Variants in ASXL3 observed in about 807,000 individuals in gnomAD.
The protein encoded by ASXL3 is ASXL transcriptional regulator 3.
Under a neutral mutation model 170.6 loss-of-function variants are expected in ASXL3, and 34 were observed. The observed-to-expected ratio is 0.20, with a 90% CI of 0.15 to 0.27. The LOEUF (loss-of-function observed/expected upper bound fraction) is 0.27, where lower values mean the gene tolerates loss of function less well. Among genes scored for constraint, ASXL3 ranks in the 10% least tolerant of loss-of-function variants. The pLI is 1.00. For synonymous variants in ASXL3, 1,002 were observed against 989.1 expected (o/e 1.01, Z -0.24); for missense variants, 2,592 against 2,695.3 (o/e 0.96, Z 0.85).
chr18:33,581,472 A>T (rs868541250), intron 1 of ASXL3, among the ~76,000 whole-genome samples: 2 of 145,206 alleles, frequency 1.4e-5, no homozygotes, highest in Admixed American at 6.9e-5. Context: ...TGCTGGAGTG[A>T]GTGTGTGTGT....
rs775666145 is a variant in ASXL3, at chr18:33,745,497, C to T, written c.5649C>T (p.Ser1883=). ...AGCAAGAATGGCTAAACAAGCACTC[C>T]ATGCAGAACAGAATTGTTCACAGCC... ...PFKQEWLNKH[S]MQNRIVHSPE... The change falls in exon 12 of 12, where the codon TCC becomes TCT. Residue 1883 remains serine, a synonymous_variant. Transcript: ENST00000269197. 65 of 1,613,886 alleles carry T rather than the reference C, an allele frequency of 4.0e-5. No individual in the cohort carries two copies. In the South Asian group the frequency reaches 4.5e-4, roughly 11 times the overall value.
At position 33,744,378 on chromosome 18, in the gene ASXL3, C is replaced by T. The variant is rs566372551; in HGVS notation, c.4530C>T (p.Ser1510=). 2.9e-5 allele frequency: 47 copies of T among 1,613,830 alleles called. No individual in the cohort carries two copies. The highest frequency in any genetic ancestry group is 2.9e-4 in the South Asian group (26 of 91,068). The change falls in exon 12 of 12, where the codon TCC becomes TCT. Residue 1510 remains serine (S), a synonymous_variant. Coordinates refer to ENST00000269197, the MANE Select transcript of ASXL3 (RefSeq NM_030632.3). ...GCAGACCAGTGAGGACAGAGGCATC[C>T]GTACAGCCCGTGGCGTGTCCTCAGG... ...LQGRPVRTEA[S]VQPVACPQVS...
rs765461709 is a variant in ASXL3, at chr18:33,738,934, A to G, written c.1530A>G (p.Glu510=). The change falls in exon 11 of 12, where the codon GAA becomes GAG. Residue 510 remains glutamate (E), a synonymous_variant. Transcript: ENST00000269197. ...ESCVMMNDVL[E]TLPHIEVKIE... ...GTGTTATGATGAATGATGTTTTAGA[A>G]ACTTTGCCTCATATTGAAGTTAAGA... 9.3e-6 allele frequency: 15 copies of G among 1,613,554 alleles called. No homozygotes were observed. In the East Asian group the frequency reaches 2.9e-4, roughly 31 times the overall value.
chr18:33,673,371 G>T (rs989091921), intron 7 of ASXL3, among the ~76,000 whole-genome samples: 1 of 113,438 alleles, frequency 8.8e-6, no homozygotes, highest in Admixed American at 9.9e-5. Flanking sequence ...GAGATCTTCA[G>T]TATTTTTTTT....
At chr18:33,599,284 A>G (rs1225916795) in intron 1 of ASXL3, among the ~76,000 whole-genome samples, 1 of 152,180 alleles carries the variant, frequency 6.6e-6, no homozygotes, top group Non-Finnish European at 1.5e-5. Context: ...TCAGCCAGTC[A>G]TTTGATATAA....
chr18:33,620,168 A>G (rs2065487739), intron 2 of ASXL3, among the ~76,000 whole-genome samples: 1 of 152,138 alleles, frequency 6.6e-6, no homozygotes, highest in African/African-American at 2.4e-5. Context: ...CAAGCAGGGC[A>G]TGTTTCAGGC....
rs1459949030 is a variant in ASXL3, at chr18:33,744,936, A to G, written c.5088A>G (p.Ala1696=). ...FPGPELPPPA[A]EGASSVQQTQ... ...GCCCTGAGCTGCCTCCTCCGGCTGCAGAGGGAGCCTCTAGTGTACAACAAA... is the reference window on the plus strand; with the variant it reads ...GCCCTGAGCTGCCTCCTCCGGCTGCGGAGGGAGCCTCTAGTGTACAACAAA... The change falls in exon 12 of 12, where the codon GCA becomes GCG. Residue 1696 remains alanine (A), a synonymous_variant. Transcript: ENST00000269197. 6.2e-7 allele frequency: 1 copy of G among 1,613,992 alleles called. No individual in the cohort carries two copies. The highest frequency in any genetic ancestry group is 1.7e-5 in the Admixed American group (1 of 60,018).
At chr18:33,716,503 T>C (rs1156907098) in intron 8 of ASXL3, among the ~76,000 whole-genome samples, 1 of 152,196 alleles carries the variant, frequency 6.6e-6, no homozygotes, top group African/African-American at 2.4e-5. Flanking sequence ...TTGCTAATTG[T>C]GGCATAGGTG....
chr18:33,583,459 A>G (rs2065009935), intron 1 of ASXL3, among the ~76,000 whole-genome samples: 2 of 152,184 alleles, frequency 1.3e-5, no homozygotes, highest in South Asian at 4.1e-4. Context: ...TCTATATCTC[A>G]TCACCTTTTC....
intron 8 of ASXL3, among the ~76,000 whole-genome samples, chr18:33,686,212 CA>C (rs1279946183): frequency 2.0e-5 from 3 of 152,108 alleles, no homozygotes; most frequent in Admixed American, 6.6e-5. Flanking sequence ...ATTTACTGAG[CA>C]TGTGTTGTGT....
chr18:33,654,652 G>A (rs1024146780), intron 4 of ASXL3, among the ~76,000 whole-genome samples: 1 of 151,828 alleles, frequency 6.6e-6, no homozygotes, highest in Non-Finnish European at 1.5e-5. Flanking sequence ...GATGTTTCAG[G>A]AACCTGATGC....
At chr18:33,686,373 A>G (rs1465032457) in intron 8 of ASXL3, among the ~76,000 whole-genome samples, 2 of 152,236 alleles carry the variant, frequency 1.3e-5, no homozygotes, top group Non-Finnish European at 2.9e-5. Context: ...TGTTTTACCA[A>G]GTTTAGTATA....
chr18:33,660,824 C>T (rs1010135394), intron 4 of ASXL3, among the ~76,000 whole-genome samples: 1 of 152,092 alleles, frequency 6.6e-6, no homozygotes, highest in African/African-American at 2.4e-5. Context: ...GAAGTCTGTC[C>T]GTTTGAGGAG....
chr18:33,616,434 G>A (rs1293613842), intron 2 of ASXL3, among the ~76,000 whole-genome samples: 1 of 150,512 alleles, frequency 6.6e-6, no homozygotes, highest in East Asian at 1.9e-4. Flanking sequence ...GTGTGTACAC[G>A]TGCATGCATA....
At chr18:33,620,242 C>T (rs1001328217) in intron 2 of ASXL3, among the ~76,000 whole-genome samples, 3 of 152,100 alleles carry the variant, frequency 2.0e-5, no homozygotes, top group Non-Finnish European at 2.9e-5. Context: ...AAATACAATT[C>T]GTACAATGAT....
At chr18:33,691,985 A>G (rs1222964070) in intron 8 of ASXL3, among the ~76,000 whole-genome samples, 2 of 152,202 alleles carry the variant, frequency 1.3e-5, no homozygotes, top group Non-Finnish European at 2.9e-5. Context: ...GTCAGGGAGG[A>G]AAAAGGTCTA....
intron 5 of ASXL3, among the ~76,000 whole-genome samples, chr18:33,664,018 T>C (rs1443661444): frequency 6.6e-6 from 1 of 152,170 alleles, no homozygotes; most frequent in African/African-American, 2.4e-5. Context: ...ATCATAATCA[T>C]ATGAACCTAG....
At chr18:33,617,980 ATTG>A (rs1412290904) in intron 2 of ASXL3, among the ~76,000 whole-genome samples, 1 of 152,040 alleles carries the variant, frequency 6.6e-6, no homozygotes, top group Non-Finnish European at 1.5e-5. Context: ...TGTGCTCTTA[ATTG>A]CCACACGCCT....
At chr18:33,631,662 C>T (rs1426873405) in intron 2 of ASXL3, among the ~76,000 whole-genome samples, 1 of 152,020 alleles carries the variant, frequency 6.6e-6, no homozygotes, top group Non-Finnish European at 1.5e-5. Flanking sequence ...CTGATATCAG[C>T]GACTCTCAAA....
Sources: gnomAD v4.1 joint callset for allele counts (sites outside exome capture counted in the v4.1 genomes callset) on GRCh38, gnomAD v4.1.1 for gene constraint, MANE v1.5 for transcripts, NCBI Gene and HGNC (gene_info 2026-07-23, HGNC 2026-07-21) for gene names.